The following CNGA1 variants were observed in gnomAD, a reference collection of about 807,000 sequenced individuals.
The protein encoded by CNGA1 is cyclic nucleotide gated channel subunit alpha 1, also known as cyclic nucleotide-gated channel alpha-1.
A neutral mutation model predicts 69.7 loss-of-function variants in CNGA1; 53 were observed. That is an observed-to-expected ratio of 0.76 (90% confidence interval 0.61 to 0.96). The LOEUF is 0.96. CNGA1 is among the 40% of genes least tolerant of loss of function. The pLI, the probability that CNGA1 is intolerant of heterozygous loss-of-function variation, is 0.00. For missense variants in CNGA1, 739 were observed against 811.2 expected, an observed-to-expected ratio of 0.91 and a Z score of 1.08; for synonymous variants, 249 against 283.5, an observed-to-expected ratio of 0.88 and a Z score of 1.22.
chr4:47,948,668 C>T (rs1370035416), intron 6 of CNGA1, among the ~76,000 whole-genome samples: 1 of 152,168 alleles, frequency 6.6e-6, no homozygotes, highest in Non-Finnish European at 1.5e-5. Flanking sequence ...CCGTGATCAT[C>T]AGAAGTAGGC....
intron 1 of CNGA1, among the ~76,000 whole-genome samples, chr4:48,016,240 G>A (rs1335122596): frequency 6.6e-6 from 1 of 152,128 alleles, no homozygotes; most frequent in Non-Finnish European, 1.5e-5. Flanking sequence ...GGGCGTGGAC[G>A]GACAGCGACA....
At chr4:47,958,933 ATAAG>A (rs754222999) in intron 3 of CNGA1, 32 of 152,278 alleles carry the variant, frequency 2.1e-4, no homozygotes, top group Non-Finnish European at 1.9e-4. Flanking sequence ...ATGCAGAAAC[ATAAG>A]TAATAAAGTT....
intron 2 of CNGA1, among the ~76,000 whole-genome samples, chr4:48,005,308 G>C (rs1424976969): frequency 6.6e-6 from 1 of 151,726 alleles, no homozygotes; most frequent in Non-Finnish European, 1.5e-5. Flanking sequence ...AGTAGAGATG[G>C]GGTTTCTCCA....
chr4:47,978,670 A>T (rs1321652000), intron 3 of CNGA1, among the ~76,000 whole-genome samples: 1 of 152,102 alleles, frequency 6.6e-6, no homozygotes, highest in Non-Finnish European at 1.5e-5. Context: ...TATATATCTT[A>T]TTCTTTTTTC....
chr4:48,015,132 C>T (rs1326587692), intron 1 of CNGA1, among the ~76,000 whole-genome samples: 1 of 152,092 alleles, frequency 6.6e-6, no homozygotes, highest in Non-Finnish European at 1.5e-5. Flanking sequence ...GAGCCGAGAT[C>T]GCGCCACTGC....
Position 47,949,855 on chromosome 4 carries a change from T to A in CNGA1, c.265A>T (p.Asn89Tyr), listed in dbSNP as rs1284059893. Residue 89 changes from asparagine to tyrosine, a missense_variant, in exon 6 of 11, where the codon AAC becomes TAC. Physicochemically the swap from Asn to Tyr is moderately radical, Grantham distance 143. Transcript: ENST00000514170. ...LPGAIALFNV[N>Y]NSSNKDQEPE... is the part of the protein sequence containing the mutation. ...TACTGGTCCTTATTGCTGCTGTTGT[T>A]CACATTAAAAAGTGCAATGGCACCA... 1.9e-6 allele frequency: 3 copies of A among 1,614,114 alleles called. No homozygotes were observed. Among genetic ancestry groups the A allele is most frequent in the Non-Finnish European group, 2.5e-6 (3 of 1,179,996 alleles).
chr4:48,011,902 GC>G (rs1486773519), intron 1 of CNGA1, among the ~76,000 whole-genome samples: 2 of 152,118 alleles, frequency 1.3e-5, no homozygotes, highest in African/African-American at 4.8e-5. Flanking sequence ...AATAGTGGCG[GC>G]CCTTAAAGAC....
intron 2 of CNGA1, among the ~76,000 whole-genome samples, chr4:48,008,529 A>G (rs4695321): frequency 0.1 from 15,946 of 152,226 alleles, 1,322 homozygotes; most frequent in East Asian, 0.32. Flanking sequence ...ATATATTTTT[A>G]TTGGAAAATA....
At position 47,951,293 on chromosome 4, in the gene CNGA1, C is replaced by T. The variant is rs184219464; in HGVS notation, c.224+60G>A. 6.3e-5 allele frequency: 71 copies of T among 1,123,030 alleles called. No homozygotes were observed. The East Asian group carries it at 1.7e-3, about 26-fold the overall frequency. The allele number at this position is 1,123,030 out of a possible 1,614,324, so 69.6% of individuals were successfully genotyped here. A position where few individuals can be genotyped will look rare whatever the true frequency, so the allele number is the denominator to read the frequency against. The stretch of plus-strand genomic sequence containing the variant: ...GATCTGATTGCAAAAATTCAAAACA[C>T]TGCAACCTTAAGCATAAATGGTTAA... On this transcript the variant is annotated intron_variant, in intron 5 of 10. Transcript: ENST00000514170.
chr4:48,016,681 T>A lies in CNGA1; in HGVS notation c.-421A>T. 6.4e-6 allele frequency: 4 copies of A among 625,522 alleles called. No homozygotes were observed. The highest frequency in any genetic ancestry group is 1.1e-5 in the Non-Finnish European group (4 of 380,942). The allele number at this position is 625,522 out of a possible 1,614,324, so 38.7% of individuals were successfully genotyped here. The stretch of plus-strand genomic sequence containing the variant: ...CCGGGCAGCAGGGCTCGGCTGGCGC[T>A]GAGGCCCCGCCTGGCCATGCCCATT... On this transcript the variant is annotated 5_prime_UTR_variant, in exon 1 of 11. Coordinates refer to ENST00000514170, the MANE Select transcript of CNGA1 (RefSeq NM_001379270.1).
intron 1 of CNGA1, among the ~76,000 whole-genome samples, chr4:48,012,490 T>C (rs1004121856): frequency 1.3e-4 from 20 of 150,566 alleles, no homozygotes; most frequent in African/African-American, 4.6e-4. Context: ...AAAGCCCCTT[T>C]AGTAGTCAAA....
At chr4:47,941,777 A>G (rs1477025473) in intron 9 of CNGA1, among the ~76,000 whole-genome samples, 11 of 152,110 alleles carry the variant, frequency 7.2e-5, no homozygotes. Context: ...AACGTCAAAT[A>G]AAAGTTAAAA....
At chr4:47,971,099 A>C (rs1172083389) in intron 3 of CNGA1, 1 of 452,866 alleles carries the variant, frequency 2.2e-6, no homozygotes, top group South Asian at 1.6e-5. Context: ...GCGAGACTCC[A>C]TCTAAAAAAA....
intron 2 of CNGA1, among the ~76,000 whole-genome samples, chr4:47,998,921 A>C (rs1714530275): frequency 6.6e-6 from 1 of 152,240 alleles, no homozygotes; most frequent in African/African-American, 2.4e-5. Context: ...CTTGTGGTTG[A>C]GCATGGTCTT....
At chr4:48,002,929 T>C (rs1714727575) in intron 2 of CNGA1, among the ~76,000 whole-genome samples, 1 of 152,134 alleles carries the variant, frequency 6.6e-6, no homozygotes, top group Non-Finnish European at 1.5e-5. Context: ...ATAAGACTTA[T>C]TATCATTTAA....
At chr4:47,958,872 T>G (rs78169581) in intron 3 of CNGA1, among the ~76,000 whole-genome samples, 6 of 152,216 alleles carry the variant, frequency 3.9e-5, no homozygotes, top group Admixed American at 3.9e-4. Context: ...AAGTTTTAAC[T>G]GAGTACCTTA....
intron 3 of CNGA1, among the ~76,000 whole-genome samples, chr4:47,969,039 T>A (rs1740876545): frequency 6.6e-6 from 1 of 152,192 alleles, no homozygotes; most frequent in African/African-American, 2.4e-5. Context: ...GGCAAGAGAA[T>A]GACATCATCC....
At chr4:48,003,797 C>T (rs867755694) in intron 2 of CNGA1, among the ~76,000 whole-genome samples, 2 of 152,144 alleles carry the variant, frequency 1.3e-5, no homozygotes, top group South Asian at 2.1e-4. Context: ...GTAATGCCAG[C>T]ATCTGGGAAG....
At chr4:47,961,910 G>T (rs1366042431) in intron 3 of CNGA1, among the ~76,000 whole-genome samples, 1 of 152,026 alleles carries the variant, frequency 6.6e-6, no homozygotes, top group Non-Finnish European at 1.5e-5. Context: ...TTGACTATGC[G>T]AACCTTCAAT....
Sources: allele counts gnomAD v4.1 joint callset (sites outside exome capture counted in the v4.1 genomes callset), GRCh38; gene constraint gnomAD v4.1.1; transcripts MANE v1.5; gene names NCBI Gene and HGNC (gene_info 2026-07-23, HGNC 2026-07-21).